Variants in NXPH2 observed in about 807,000 individuals in gnomAD.
The protein encoded by NXPH2 is neurexophilin-2.
In NXPH2, 5 loss-of-function variants were observed where a neutral mutation model predicts 19.8. That is an observed-to-expected ratio of 0.25 (90% CI 0.13 to 0.53). The LOEUF (loss-of-function observed/expected upper bound fraction) is 0.53, where lower values mean the gene tolerates loss of function less well. Ranked by LOEUF, NXPH2 falls within the 20% of genes least tolerant of loss-of-function variation. NXPH2 has a pLI of 0.96. For missense variants in NXPH2, 289 were observed against 322.8 expected (o/e 0.90, Z 0.80); for synonymous variants, 154 against 127.4 (o/e 1.21, Z -1.41).
chr2:138,777,684 A>T (rs998406169), intron 1 of NXPH2, among the ~76,000 whole-genome samples: 2 of 151,814 alleles, frequency 1.3e-5, no homozygotes, highest in African/African-American at 4.8e-5. Context: ...CATATCACTA[A>T]ATGTTCAATA....
At chr2:138,752,262 C>T (rs898939143) in intron 1 of NXPH2, among the ~76,000 whole-genome samples, 1 of 152,026 alleles carries the variant, frequency 6.6e-6, no homozygotes. Context: ...AACACTGTCC[C>T]GGTGGGGTTG....
chr2:138,681,581 A>G (rs1231563222), intron 1 of NXPH2, among the ~76,000 whole-genome samples: 1 of 152,238 alleles, frequency 6.6e-6, no homozygotes, highest in African/African-American at 2.4e-5. Context: ...TTATCAAAGA[A>G]GAAAATTTTG....
At chr2:138,776,620 T>G (rs1277526568) in intron 1 of NXPH2, among the ~76,000 whole-genome samples, 2 of 151,642 alleles carry the variant, frequency 1.3e-5, no homozygotes, top group Non-Finnish European at 1.5e-5. Flanking sequence ...AGTGGTGTTT[T>G]TTTTTTTTTT....
At chr2:138,702,236 C>T (rs146060783) in intron 1 of NXPH2, among the ~76,000 whole-genome samples, 1 of 152,144 alleles carries the variant, frequency 6.6e-6, no homozygotes, top group African/African-American at 2.4e-5. Context: ...CCTGCCTCAG[C>T]CTTCTGAGGA....
chr2:138,761,387 T>C (rs959708445), intron 1 of NXPH2, among the ~76,000 whole-genome samples: 1 of 152,182 alleles, frequency 6.6e-6, no homozygotes, highest in Non-Finnish European at 1.5e-5. Context: ...AGGTCCCCAA[T>C]AGTCAGGGGC....
At chr2:138,672,068 G>A (rs565183376) in intron 1 of NXPH2, among the ~76,000 whole-genome samples, 3 of 152,192 alleles carry the variant, frequency 2.0e-5, no homozygotes, top group African/African-American at 7.2e-5. Context: ...ATCTACAAAG[G>A]AGCTAAAAAC....
At chr2:138,721,039 G>A (rs1681271475) in intron 1 of NXPH2, among the ~76,000 whole-genome samples, 1 of 152,150 alleles carries the variant, frequency 6.6e-6, no homozygotes, top group South Asian at 2.1e-4. Context: ...TTTGTATTGT[G>A]AAATTAAAAG....
intron 1 of NXPH2, among the ~76,000 whole-genome samples, chr2:138,705,309 T>A (rs577536528): frequency 2.0e-5 from 3 of 152,282 alleles, no homozygotes; most frequent in Admixed American, 2.0e-4. Context: ...TTTTCCTTCT[T>A]GATTTGATAT....
At chr2:138,769,734 G>A (rs1033772696) in intron 1 of NXPH2, among the ~76,000 whole-genome samples, 21 of 152,128 alleles carry the variant, frequency 1.4e-4, no homozygotes, top group African/African-American at 4.6e-4. Context: ...CACAAAGCTC[G>A]TGGGGTTTTG....
rs1680399776 is a variant in NXPH2 at position 138,670,676 on chromosome 2, AT to A, written c.*245del. 2.8e-6 allele frequency: 1 copy of A among 363,000 alleles called. No homozygotes were observed. Among genetic ancestry groups the A allele is most frequent in the South Asian group, 7.9e-5 (1 of 12,736 alleles). 22.5% of individuals were successfully genotyped at this position (363,000 alleles called of 1,614,324 possible). A position where few individuals can be genotyped will look rare whatever the true frequency, so the allele number is the denominator to read the frequency against. The stretch of plus-strand genomic sequence containing the variant: ...ACAATAAGATTTCTAGAACTTAGTC[AT>A]CTTGCATGAAAGTGATGGTTTCATA... On this transcript the variant is annotated 3_prime_UTR_variant, in exon 2 of 2. Transcript: ENST00000272641.
intron 1 of NXPH2, among the ~76,000 whole-genome samples, chr2:138,689,249 G>A (rs1250216677): frequency 1.3e-5 from 2 of 152,192 alleles, no homozygotes; most frequent in Non-Finnish European, 1.5e-5. Context: ...GGAACAAAGT[G>A]AGAAGCTGCA....
At chr2:138,734,466 A>G (rs1681505168) in intron 1 of NXPH2, among the ~76,000 whole-genome samples, 1 of 152,218 alleles carries the variant, frequency 6.6e-6, no homozygotes, top group Non-Finnish European at 1.5e-5. Flanking sequence ...GTAACTATTC[A>G]ATGTGACAGG....
chr2:138,714,518 T>G (rs557602527), intron 1 of NXPH2, among the ~76,000 whole-genome samples: 1 of 152,268 alleles, frequency 6.6e-6, no homozygotes, highest in South Asian at 2.1e-4. Context: ...GAAGGTTATA[T>G]TCAATGAGTG....
In NXPH2 at chr2:138,669,899, T is replaced by C. The variant is rs1206432074; in HGVS notation, c.*1023A>G. 1.3e-5 allele frequency among the ~76,000 whole-genome samples: 2 copies of C among 152,250 alleles called. No homozygotes were observed. The highest frequency in any genetic ancestry group is 4.8e-5 in the African/African-American group (2 of 41,464). On this transcript the variant is annotated 3_prime_UTR_variant, in exon 2 of 2. Coordinates refer to ENST00000272641, the MANE Select transcript of NXPH2 (RefSeq NM_007226.3). The stretch of plus-strand genomic sequence containing the variant: ...ATAACTCTCTATTTCCACATAGAGT[T>C]TGATCTCTTATTCAAATATTAACTA...
At chr2:138,676,959 T>C (rs1005499557) in intron 1 of NXPH2, among the ~76,000 whole-genome samples, 1 of 152,236 alleles carries the variant, frequency 6.6e-6, no homozygotes, top group Non-Finnish European at 1.5e-5. Flanking sequence ...ACAAAATGTG[T>C]TTGTAGATCT....
intron 1 of NXPH2, among the ~76,000 whole-genome samples, chr2:138,703,338 A>C (rs1302394671): frequency 6.6e-6 from 1 of 152,200 alleles, no homozygotes; most frequent in Non-Finnish European, 1.5e-5. Context: ...GTTGTTGAAA[A>C]ATCAGCAGCA....
intron 1 of NXPH2, among the ~76,000 whole-genome samples, chr2:138,735,561 A>C (rs528588337): frequency 1.3e-5 from 2 of 152,316 alleles, no homozygotes; most frequent in African/African-American, 4.8e-5. Flanking sequence ...ACACAAGGGA[A>C]TTATGGGAGA....
chr2:138,694,873 G>C (rs1468427109), intron 1 of NXPH2, among the ~76,000 whole-genome samples: 1 of 152,170 alleles, frequency 6.6e-6, no homozygotes, highest in Non-Finnish European at 1.5e-5. Flanking sequence ...GCAGGCTATT[G>C]CAAGTGTTTG....
intron 1 of NXPH2, among the ~76,000 whole-genome samples, chr2:138,773,251 G>C (rs1682205341): frequency 6.6e-6 from 1 of 152,192 alleles, no homozygotes; most frequent in African/African-American, 2.4e-5. Context: ...GGAGCAACAG[G>C]TAAATTCGAG....
Sources: gnomAD v4.1 joint callset for allele counts (sites outside exome capture counted in the v4.1 genomes callset) on GRCh38, gnomAD v4.1.1 for gene constraint, MANE v1.5 for transcripts, NCBI Gene and HGNC (gene_info 2026-07-23, HGNC 2026-07-21) for gene names.